The following HTR1F variants were observed in gnomAD, a reference collection of about 807,000 sequenced individuals.
HTR1F encodes the protein 5-hydroxytryptamine (serotonin) receptor 1F, G protein-coupled.
Under a neutral mutation model 24.0 loss-of-function variants are expected in HTR1F, and 17 were observed. The ratio of observed to expected loss-of-function variants is 0.71; its 90% CI spans 0.48 to 1.06. The LOEUF is 1.06. HTR1F is among the 50% of genes least tolerant of loss of function. HTR1F has a pLI of 0.00. For synonymous variants in HTR1F, 186 were observed against 156.8 expected (o/e 1.19, Z -1.39); for missense variants, 391 against 427.8 (o/e 0.91, Z 0.76).
At chr3:87,950,562 A>C (rs1704810923) in intron 2 of HTR1F, among the ~76,000 whole-genome samples, 1 of 138,110 alleles carries the variant, frequency 7.2e-6, no homozygotes. Context: ...TGTCAACTTA[A>C]AAAAAAAAAG....
At chr3:87,900,477 A>T (rs560061066) in intron 2 of HTR1F, among the ~76,000 whole-genome samples, 46 of 152,280 alleles carry the variant, frequency 3.0e-4, no homozygotes, top group African/African-American at 1.1e-3. Context: ...TAATTGGAGG[A>T]TCTGAAGCAA....
intron 2 of HTR1F, among the ~76,000 whole-genome samples, chr3:87,865,697 C>T (rs1446118524): frequency 6.6e-6 from 1 of 152,010 alleles, no homozygotes; most frequent in Non-Finnish European, 1.5e-5. Flanking sequence ...TCCCATTTCT[C>T]CCAAGTGTAT....
intron 2 of HTR1F, among the ~76,000 whole-genome samples, chr3:87,891,683 A>G (rs1706089930): frequency 6.6e-6 from 1 of 152,244 alleles, no homozygotes; most frequent in Non-Finnish European, 1.5e-5. Flanking sequence ...CAAACCCATC[A>G]TTATTTCAGG....
intron 1 of HTR1F, among the ~76,000 whole-genome samples, chr3:87,812,176 A>G (rs1198944323): frequency 6.6e-6 from 1 of 152,176 alleles, no homozygotes; most frequent in African/African-American, 2.4e-5. Context: ...AAAGATACAG[A>G]AAATATGGAA....
At chr3:87,847,077 C>A (rs1487793625) in intron 2 of HTR1F, among the ~76,000 whole-genome samples, 2 of 151,296 alleles carry the variant, frequency 1.3e-5, no homozygotes, top group African/African-American at 4.9e-5. Flanking sequence ...ATAAAAAATT[C>A]ATAAAATAAA....
At chr3:87,797,682 A>G (rs1376266446) in intron 1 of HTR1F, among the ~76,000 whole-genome samples, 2 of 152,196 alleles carry the variant, frequency 1.3e-5, no homozygotes, top group African/African-American at 4.8e-5. Context: ...AGCTTAAAAT[A>G]TGAAAGAAAA....
chr3:87,954,564 C>G (rs1252310172), intron 2 of HTR1F, among the ~76,000 whole-genome samples: 1 of 151,428 alleles, frequency 6.6e-6, no homozygotes, highest in East Asian at 1.9e-4. Context: ...TAGTATAAAG[C>G]AAAAGAAAAT....
At chr3:87,802,579 C>T (rs975578290) in intron 1 of HTR1F, among the ~76,000 whole-genome samples, 3 of 151,956 alleles carry the variant, frequency 2.0e-5, no homozygotes, top group African/African-American at 7.3e-5. Context: ...TTCCTGGCTT[C>T]TAGCAGTCCT....
intron 2 of HTR1F, among the ~76,000 whole-genome samples, chr3:87,934,250 G>C (rs1434492013): frequency 1.3e-5 from 2 of 152,180 alleles, no homozygotes; most frequent in Non-Finnish European, 2.9e-5. Context: ...AACAGTAAGG[G>C]TTAACACATG....
At chr3:87,830,147 A>G (rs1221106118) in intron 2 of HTR1F, among the ~76,000 whole-genome samples, 1 of 152,218 alleles carries the variant, frequency 6.6e-6, no homozygotes, top group African/African-American at 2.4e-5. Flanking sequence ...TAATGTTGAC[A>G]CAGTCTTTTT....
chr3:87,987,199 GT>G (rs1273773656), intron 2 of HTR1F, among the ~76,000 whole-genome samples: 2 of 152,152 alleles, frequency 1.3e-5, no homozygotes, highest in Admixed American at 1.3e-4. Context: ...AAATTATTCA[GT>G]TTTTTAAATT....
intron 2 of HTR1F, among the ~76,000 whole-genome samples, chr3:87,927,562 T>C (rs965103242): frequency 1.3e-5 from 2 of 152,084 alleles, no homozygotes; most frequent in Non-Finnish European, 2.9e-5. Context: ...TATTTAGAAA[T>C]CTAAATAATC....
At chr3:87,829,243 T>C (rs1024496185) in intron 2 of HTR1F, among the ~76,000 whole-genome samples, 2 of 152,158 alleles carry the variant, frequency 1.3e-5, no homozygotes, top group African/African-American at 2.4e-5. Flanking sequence ...CTCCAGACTC[T>C]GATATTGTTG....
intron 2 of HTR1F, among the ~76,000 whole-genome samples, chr3:87,929,804 A>C (rs1277909722): frequency 6.6e-6 from 1 of 152,128 alleles, no homozygotes; most frequent in Non-Finnish European, 1.5e-5. Flanking sequence ...GCTCCATATG[A>C]ATTTTAAAAT....
intron 2 of HTR1F, among the ~76,000 whole-genome samples, chr3:87,922,037 A>G (rs1704022355): frequency 6.6e-6 from 1 of 152,006 alleles, no homozygotes; most frequent in Non-Finnish European, 1.5e-5. Context: ...CTTTGGATGC[A>G]TACCCAGTAG....
chr3:87,876,899 T>C (rs1705683303), intron 2 of HTR1F, among the ~76,000 whole-genome samples: 1 of 152,170 alleles, frequency 6.6e-6, no homozygotes, highest in South Asian at 2.1e-4. Flanking sequence ...AAAACTACTG[T>C]ACTGTACACT....
At chr3:87,954,889 G>A (rs1704911532) in intron 2 of HTR1F, among the ~76,000 whole-genome samples, 1 of 151,246 alleles carries the variant, frequency 6.6e-6, no homozygotes. Flanking sequence ...TTTCAACCCC[G>A]TTCAACATCG....
intron 1 of HTR1F, among the ~76,000 whole-genome samples, chr3:87,809,756 G>T (rs1461858627): frequency 6.6e-6 from 1 of 151,812 alleles, no homozygotes; most frequent in Non-Finnish European, 1.5e-5. Flanking sequence ...TGATTTGGGG[G>T]CACTTAAAAA....
chr3:87,886,324 A>G (rs1705941838), intron 2 of HTR1F, among the ~76,000 whole-genome samples: 1 of 152,222 alleles, frequency 6.6e-6, no homozygotes, highest in South Asian at 2.1e-4. Context: ...TAAACTAGGT[A>G]TTGATGGAAC....
Sources: allele counts gnomAD v4.1 joint callset (sites outside exome capture counted in the v4.1 genomes callset), GRCh38; gene constraint gnomAD v4.1.1; transcripts MANE v1.5; gene names NCBI Gene and HGNC (gene_info 2026-07-23, HGNC 2026-07-21).